MON1B: variants seen among roughly 807,000 people sequenced by gnomAD.
MON1B encodes vacuolar fusion protein MON1 homolog B.
MON1B carries 26 observed loss-of-function variants against 45.1 expected under a neutral mutation model. The observed-to-expected ratio is 0.58, with a 90% CI of 0.42 to 0.80. The LOEUF (loss-of-function observed/expected upper bound fraction) is 0.80. Ranked by LOEUF, MON1B falls within the 30% of genes least tolerant of loss-of-function variation. The pLI, the probability that MON1B is intolerant of heterozygous loss-of-function variation, is 0.00. For synonymous variants in MON1B, 395 were observed against 320.2 expected (o/e 1.23, Z -2.49); for missense variants, 737 against 754.5 (o/e 0.98, Z 0.27).
chr16:77,194,533 C>T lies in MON1B; in HGVS notation c.674C>T (p.Ser225Leu). ...GACCTCCGCCGCCTGCTGGCTGGTT[C>T]AGAGCGCACACTGGACCGACTTCTG... is the stretch of plus-strand genomic sequence containing the variant. ...NYDLRRLLAG[S>L]ERTLDRLLDS... The change falls in exon 4 of 6, where the codon TCA (serine) becomes TTA (leucine). Residue 225 changes from serine (S) to leucine (L), a missense_variant. Coordinates refer to ENST00000248248, the MANE Select transcript of MON1B (RefSeq NM_014940.4). The surrounding 1 kb of genome is among the most constrained non-coding windows in gnomAD (Gnocchi z 8.1). 1 of 1,614,064 alleles carries T rather than the reference C, an allele frequency of 6.2e-7. No homozygotes were observed. The highest frequency in any genetic ancestry group is 8.5e-7 in the Non-Finnish European group (1 of 1,180,030).
In MON1B at chr16:77,192,985, C is replaced by T. The variant is rs574315804; in HGVS notation, c.149-466C>T. Reference sequence around the variant, plus strand: ...GTGGGCATCACTGATAGGGTAGTAGCGGGGGTTGGGGCATTCAAACAGTTA... The same window carrying T: ...GTGGGCATCACTGATAGGGTAGTAGTGGGGGTTGGGGCATTCAAACAGTTA... On this transcript the variant is annotated intron_variant, in intron 2 of 5. Transcript: ENST00000248248. 1.3e-5 allele frequency among the ~76,000 whole-genome samples: 2 copies of T among 151,814 alleles called. 1 individual carries two copies. The highest frequency in any genetic ancestry group is 1.3e-4 in the Admixed American group (2 of 15,244).
chr16:77,194,317 T>C lies in MON1B; in HGVS notation c.476-18T>C. The stretch of plus-strand genomic sequence containing the variant: ...CTGATCCAGCTGTACCCCCCCTTCT[T>C]ACCCCTTCCTTCCCTAGAGGACCAC... On this transcript the variant is annotated intron_variant, in intron 3 of 5. Transcript: ENST00000248248. The surrounding 1 kb of genome is among the most constrained non-coding windows in gnomAD (Gnocchi z 8.1). The C allele has an allele frequency of 6.3e-7, 1 of 1,596,218 alleles. No individual in the cohort carries two copies. Among genetic ancestry groups the C allele is most frequent in the Non-Finnish European group, 8.5e-7 (1 of 1,175,750 alleles).
Position 77,198,423 on chromosome 16 carries a change from A to G in MON1B, c.*115A>G. Reference sequence around the variant, plus strand: ...TCTGTGGCCAGTCATTGTCTCCCTAAGCAATGGGGCAAGGTCTGAGGGCCC... The same window carrying G: ...TCTGTGGCCAGTCATTGTCTCCCTAGGCAATGGGGCAAGGTCTGAGGGCCC... On this transcript the variant is annotated 3_prime_UTR_variant, in exon 6 of 6. Transcript: ENST00000248248. 2 of 1,198,846 alleles carry G rather than the reference A, an allele frequency of 1.7e-6. No homozygotes were observed. The highest frequency in any genetic ancestry group is 4.0e-5 in the Admixed American group (2 of 49,650). The allele number at this position is 1,198,846 out of a possible 1,614,324, so 74.3% of individuals were successfully genotyped here. A position where few individuals can be genotyped will look rare whatever the true frequency, so the allele number is the denominator to read the frequency against.
In MON1B at chr16:77,194,113, C is replaced by G; in HGVS notation, c.476-222C>G. On this transcript the variant is annotated intron_variant, in intron 3 of 5. Transcript: ENST00000248248. The surrounding 1 kb of genome is among the most constrained non-coding windows in gnomAD (Gnocchi z 8.1). ...TCTACCCGCCTGCCCGTGGTCTTTGCTGTGTATCTAACCTACTTGTTCCTT... is the reference window on the plus strand; with the variant it reads ...TCTACCCGCCTGCCCGTGGTCTTTGGTGTGTATCTAACCTACTTGTTCCTT... 1 of 624,434 alleles carries G rather than the reference C, an allele frequency of 1.6e-6. No homozygotes were observed. The highest frequency in any genetic ancestry group is 2.7e-5 in the East Asian group (1 of 36,568). The allele number at this position is 624,434 out of a possible 1,614,324, so 38.7% of individuals were successfully genotyped here.
In MON1B at chr16:77,199,609, A is replaced by AT; in HGVS notation, c.*1308dup. The AT allele has an allele frequency of 2.0e-6, 2 of 1,021,528 alleles. No homozygotes were observed. The highest frequency in any genetic ancestry group is 1.6e-5 in the South Asian group (1 of 62,910). 63.3% of individuals were successfully genotyped at this position (1,021,528 alleles called of 1,614,324 possible). On this transcript the variant is annotated 3_prime_UTR_variant, in exon 6 of 6. Transcript: ENST00000248248. ...ACAATAATGAAATAATGATATTCTAATTTTTTTAAATAAAATGTTAAGCCT... is the reference window on the plus strand; with the variant it reads ...ACAATAATGAAATAATGATATTCTAATTTTTTTTAAATAAAATGTTAAGCCT...
rs1171021095 is a variant in MON1B, at chr16:77,193,073, T to C, written c.149-378T>C. On this transcript the variant is annotated intron_variant, in intron 2 of 5. Transcript: ENST00000248248. This position sits in a 1 kb window ranked among gnomAD's most constrained non-coding sequence, Gnocchi z 5.0. ...CAGATATCAGGAGAAAAAATAGCGG[T>C]CAGAGGAGTTAATGGGGGATCATTG... Among the ~76,000 whole-genome samples the C allele has an allele frequency of 2.0e-5, 3 of 151,962 alleles. No individual in the cohort carries two copies. Among genetic ancestry groups the C allele is most frequent in the African/African-American group, 7.3e-5 (3 of 41,324 alleles).
rs928662206 is a variant in MON1B, at chr16:77,201,049, G to A, written c.*2741G>A. On this transcript the variant is annotated 3_prime_UTR_variant, in exon 6 of 6. Coordinates refer to ENST00000248248, the MANE Select transcript of MON1B (RefSeq NM_014940.4). Reference sequence around the variant, plus strand: ...TACAGACATCAAAGTAATGATTATTGCTTATTGCCTGACCTAGGATGTGAG... The same window carrying A: ...TACAGACATCAAAGTAATGATTATTACTTATTGCCTGACCTAGGATGTGAG... 9.9e-5 allele frequency: 15 copies of A among 152,128 alleles called. No individual in the cohort carries two copies. Among genetic ancestry groups the A allele is most frequent in the African/African-American group, 3.1e-4 (13 of 41,422 alleles). 9.4% of individuals were successfully genotyped at this position (152,128 alleles called of 1,614,324 possible). A position where few individuals can be genotyped will look rare whatever the true frequency, so the allele number is the denominator to read the frequency against.
At position 77,198,116 on chromosome 16, in the gene MON1B, C is replaced by T; in HGVS notation, c.1452C>T (p.Ser484=). The T allele has an allele frequency of 1.9e-6, 3 of 1,614,078 alleles. No homozygotes were observed. Among genetic ancestry groups the T allele is most frequent in the Non-Finnish European group, 2.5e-6 (3 of 1,180,008 alleles). The change falls in exon 6 of 6, where the codon TCC becomes TCT. Residue 484 remains serine, a synonymous_variant. Transcript: ENST00000248248. Reference sequence around the variant, plus strand: ...TCCTCCGAAACCCCCAGGTGACCTCCAAATTCGAGCTCTATACCTGCCTCA... The same window carrying T: ...TCCTCCGAAACCCCCAGGTGACCTCTAAATTCGAGCTCTATACCTGCCTCA... ...EKETLLAWVT[S]KFELYTCLSP... is the part of the protein sequence containing the mutation.
chr16:77,194,308 C>T lies in MON1B; in HGVS notation c.476-27C>T, dbSNP rs751928344. ...TGGTCATTCCTGATCCAGCTGTACC[C>T]CCCCTTCTTACCCCTTCCTTCCCTA... On this transcript the variant is annotated intron_variant, in intron 3 of 5. Transcript: ENST00000248248. This position sits in a 1 kb window ranked among gnomAD's most constrained non-coding sequence, Gnocchi z 8.1. 1.2e-5 allele frequency: 19 copies of T among 1,582,490 alleles called. No individual in the cohort carries two copies. Among genetic ancestry groups the T allele is most frequent in the Non-Finnish European group, 1.6e-5 (19 of 1,164,082 alleles).
Position 77,199,495 on chromosome 16 carries a change from C to G in MON1B, c.*1187C>G. On this transcript the variant is annotated 3_prime_UTR_variant, in exon 6 of 6. Transcript: ENST00000248248. ...CCTCTGAATGTGGAGGCGCCAGAAG[C>G]TACTGAGGAGGCTGAAGGTAGTGAG... 6.4e-7 allele frequency: 1 copy of G among 1,551,428 alleles called. No individual in the cohort carries two copies. The highest frequency in any genetic ancestry group is 8.7e-7 in the Non-Finnish European group (1 of 1,146,940).
rs1248545441 is a variant in MON1B at position 77,195,022 on chromosome 16, G to GCTTCTCTAATGC, written c.1166_1177dup (p.Phe389_Ala392dup). 5.0e-6 allele frequency: 8 copies of GCTTCTCTAATGC among 1,612,838 alleles called. No individual in the cohort carries two copies. Among genetic ancestry groups the GCTTCTCTAATGC allele is most frequent in the Non-Finnish European group, 6.8e-6 (8 of 1,180,002 alleles). ...ATGCGTGCCCTTGGGGAGGCTGCCA[G>GCTTCTCTAATGC]CTTCTCTAATGCCTCATCAGCCAGT... is the stretch of plus-strand genomic sequence containing the variant. On this transcript the variant is annotated inframe_insertion, in exon 4 of 6. Transcript: ENST00000248248.
In MON1B at chr16:77,200,291, T is replaced by TACACATATACAC. The variant is rs2054724506; in HGVS notation, c.*1988_*1989insTATACACACACA. 2 of 111,430 alleles carry TACACATATACAC rather than the reference T, an allele frequency of 1.8e-5. No individual in the cohort carries two copies. The highest frequency in any genetic ancestry group is 5.4e-4 in the South Asian group (2 of 3,708). The allele number at this position is 111,430 out of a possible 1,614,324, so 6.9% of individuals were successfully genotyped here. A position where few individuals can be genotyped will look rare whatever the true frequency, so the allele number is the denominator to read the frequency against. On this transcript the variant is annotated 3_prime_UTR_variant, in exon 6 of 6. Coordinates refer to ENST00000248248, the MANE Select transcript of MON1B (RefSeq NM_014940.4). ...ATATATGTGTATATATATATATATA[T>TACACATATACAC]ACACACACTAATCAGCCGGGCGCGG... is the stretch of plus-strand genomic sequence containing the variant.
chr16:77,195,862 T>C (rs1019565), intron 5 of MON1B, among the ~76,000 whole-genome samples, 180 bp downstream of exon 5: 10,794 of 152,276 alleles, frequency 0.071, 456 homozygotes, highest in African/African-American at 0.12. Flanking sequence ...TGACAACTAA[T>C]GACCGTGTCT....
At chr16:77,198,019 G>T in intron 5 of MON1B, 89 bp from the exon 6 acceptor site, 2 of 1,323,244 alleles carry the variant, frequency 1.5e-6, no homozygotes, top group Non-Finnish European at 2.1e-6. Context: ...CCAGGTTGCA[G>T]GAGGCAGACA....
intron 5 of MON1B, 51 bp from the exon 6 acceptor site, chr16:77,198,057 G>A (rs962701627): frequency 6.4e-7 from 1 of 1,568,802 alleles, no homozygotes; most frequent in Non-Finnish European, 8.8e-7. Context: ...AGGCAGGATT[G>A]TCCATAGCCA....
chr16:77,193,395 A>G lies in MON1B; in HGVS notation c.149-56A>G. The G allele has an allele frequency of 1.4e-6, 2 of 1,476,038 alleles. No homozygotes were observed. The highest frequency in any genetic ancestry group is 1.8e-6 in the Non-Finnish European group (2 of 1,095,874). 91.4% of individuals were successfully genotyped at this position (1,476,038 alleles called of 1,614,324 possible). ...GTAGATATTTGGTGGGTCCTTGGGG[A>G]TGTGGGATTAGTTAGGAGTTCACAT... On this transcript the variant is annotated intron_variant, in intron 2 of 5. Coordinates refer to ENST00000248248, the MANE Select transcript of MON1B (RefSeq NM_014940.4). The surrounding 1 kb of genome is among the most constrained non-coding windows in gnomAD (Gnocchi z 5.0).
Position 77,193,663 on chromosome 16 carries a change from C to A in MON1B, c.361C>A (p.Pro121Thr). Residue 121 changes from proline to threonine, a missense_variant, in exon 3 of 6, where the codon CCC becomes ACC. Pro to Thr is a conservative substitution (Grantham distance 38). Transcript: ENST00000248248. This position sits in a 1 kb window ranked among gnomAD's most constrained non-coding sequence, Gnocchi z 5.0. ...GTTTGTGCTGAGTGAGGCTGGCAAG[C>A]CCATCTACTCGCGGTATGGTAGTGT... ...HVFVLSEAGK[P>T]IYSRYGSVEA... 6.2e-7 allele frequency: 1 copy of A among 1,614,080 alleles called. No homozygotes were observed. The highest frequency in any genetic ancestry group is 1.1e-5 in the South Asian group (1 of 91,088).
chr16:77,199,082 C>T lies in MON1B; in HGVS notation c.*774C>T, dbSNP rs905657769. 1.3e-4 allele frequency: 27 copies of T among 215,168 alleles called. No individual in the cohort carries two copies. Among genetic ancestry groups the T allele is most frequent in the Non-Finnish European group, 2.0e-4 (22 of 109,130 alleles). The allele number at this position is 215,168 out of a possible 1,614,324, so 13.3% of individuals were successfully genotyped here. On this transcript the variant is annotated 3_prime_UTR_variant, in exon 6 of 6. Coordinates refer to ENST00000248248, the MANE Select transcript of MON1B (RefSeq NM_014940.4). Reference sequence around the variant, plus strand: ...GAGGATTTGTAAACGAAAACAGACTCGAACTATTGTGTACCACCACATAGC... The same window carrying T: ...GAGGATTTGTAAACGAAAACAGACTTGAACTATTGTGTACCACCACATAGC...
chr16:77,197,023 A>C (rs551297977), intron 5 of MON1B, among the ~76,000 whole-genome samples: 26 of 152,198 alleles, frequency 1.7e-4, no homozygotes, highest in African/African-American at 6.0e-4. Context: ...TCCAGTCCTC[A>C]ACTCAGCCAT....
Sources: allele counts gnomAD v4.1 joint callset (sites outside exome capture counted in the v4.1 genomes callset), GRCh38; gene constraint gnomAD v4.1.1; non-coding constraint Gnocchi (gnomAD v3.1); transcripts MANE v1.5; gene names NCBI Gene and HGNC (gene_info 2026-07-23, HGNC 2026-07-21).